The following NPM3 variants were observed in gnomAD, a reference collection of about 807,000 sequenced individuals.
NPM3 encodes nucleophosmin/nucleoplasmin 3.
Under a neutral mutation model 18.1 loss-of-function variants are expected in NPM3, and 12 were observed. That is an observed-to-expected ratio of 0.66 (90% confidence interval 0.42 to 1.07). NPM3 has a LOEUF of 1.07. NPM3 is among the 50% of genes least tolerant of loss of function. The probability of loss-of-function intolerance (pLI) is 0.00; values close to 1 mark genes in which losing one functional copy is unlikely to be tolerated. For missense variants in NPM3, 274 were observed against 232.1 expected (o/e 1.18, Z -1.17); for synonymous variants, 116 against 93.7 (o/e 1.24, Z -1.38).
intron 1 of NPM3, 76 bp from the exon 2 acceptor site, chr10:101,783,000 C>A: frequency 1.5e-6 from 2 of 1,360,470 alleles, no homozygotes; most frequent in South Asian, 2.4e-5. Context: ...AACCCGCCGT[C>A]ACGTGTAACC....
At position 101,782,857 on chromosome 10, in the gene NPM3, G is replaced by T. The variant is rs1253716577; in HGVS notation, c.186C>A (p.His62Gln). The T allele has an allele frequency of 1.9e-6, 3 of 1,614,032 alleles. No homozygotes were observed. In the African/African-American group the frequency reaches 4.0e-5, roughly 22 times the overall value. The change falls in exon 2 of 6, where the codon CAC becomes CAA. Residue 62 changes from histidine (H) to glutamine (Q), a missense_variant. His to Gln is a conservative substitution (Grantham distance 24). Transcript: ENST00000370110. ...CCCTCACCATGGTTAGTGCCAGCAC[G>T]TGCTCCGCATCATCCTCTTCCTCTA...
Position 101,783,277 on chromosome 10 carries a change from G to C in NPM3, c.114C>G (p.Phe38Leu), listed in dbSNP as rs773885926. ...AGCCTCTCCCTTCACTAATACCGAA[G>C]AAAAAACTGTCCATAGTGACCGGGG... Residue 38 changes from phenylalanine to leucine, a missense_variant, in exon 1 of 6, where the codon TTC (phenylalanine) becomes TTG (leucine). By Grantham distance (22) the Phe-to-Leu change is conservative. Transcript: ENST00000370110. 5 of 1,602,842 alleles carry C rather than the reference G, an allele frequency of 3.1e-6. No individual in the cohort carries two copies. The African/African-American group carries it at 5.4e-5, about 17-fold the overall frequency.
At chr10:101,783,161 A>G in intron 1 of NPM3, 112 bp downstream of exon 1, 1 of 920,996 alleles carries the variant, frequency 1.1e-6, no homozygotes, top group Admixed American at 2.3e-5. Context: ...CTGCGGGAAC[A>G]GCGAAGCAGC....
chr10:101,783,368 G>T (rs1208711733), exon 1 of NPM3: 17 of 1,611,632 alleles, frequency 1.1e-5, no homozygotes, highest in Non-Finnish European at 1.4e-5. Flanking sequence ...AAACGCTAAG[G>T]CAGCTGCAGT....
exon 6 of NPM3, chr10:101,781,614 C>A (rs1316677924): frequency 3.5e-6 from 3 of 854,000 alleles, no homozygotes; most frequent in Admixed American, 5.6e-5. Context: ...CATGGCGGTG[C>A]ATGGCACATG....
chr10:101,782,729 G>T (rs768636783), intron 2 of NPM3, 110 bp downstream of exon 2: 20 of 1,572,506 alleles, frequency 1.3e-5, no homozygotes, highest in Admixed American at 1.8e-5. Flanking sequence ...CCCATGCCGG[G>T]GGGTTAGGCT....
chr10:101,781,560 G>T (rs2065140956), exon 6 of NPM3: 1 of 358,790 alleles, frequency 2.8e-6, no homozygotes, highest in Admixed American at 3.6e-5. Flanking sequence ...CCTCTTCAAG[G>T]AAGAAATATT....
At chr10:101,783,128 C>T in intron 1 of NPM3, 145 bp downstream of exon 1, 1 of 815,332 alleles carries the variant, frequency 1.2e-6, no homozygotes, top group Non-Finnish European at 2.0e-6. Flanking sequence ...CCCCCTTTGG[C>T]TGTGCGTGCG....
At chr10:101,782,481 G>A (rs1292394137) in exon 3 of NPM3, 3 of 1,611,206 alleles carry the variant, frequency 1.9e-6, no homozygotes, top group African/African-American at 1.3e-5. Context: ...AACTCACCAT[G>A]GGTTGGCAGG....
chr10:101,781,551 C>T, exon 6 of NPM3: 2 of 353,560 alleles, frequency 5.7e-6, no homozygotes, highest in Non-Finnish European at 1.1e-5. Flanking sequence ...CCAAGCTCTC[C>T]TCTTCAAGGA....
At chr10:101,782,399 C>T (rs2065148506) in intron 3 of NPM3, 48 bp from the exon 4 acceptor site, 2 of 1,605,906 alleles carry the variant, frequency 1.2e-6, no homozygotes, top group South Asian at 2.2e-5. Flanking sequence ...TAGCCCACCC[C>T]ACACTGTAAT....
At position 101,782,500 on chromosome 10, in the gene NPM3, A is replaced by AG; in HGVS notation, c.301dup (p.Leu101ProfsTer13). ...CACCATGGGTTGGCAGGACAGCTTG[A>AG]GGTTGGCCACAGGGACTGCGATCTC... On this transcript the variant is annotated frameshift_variant, in exon 3 of 6. Transcript: ENST00000370110. LOFTEE classifies it high-confidence loss of function. The AG allele has an allele frequency of 6.2e-7, 1 of 1,613,108 alleles. No individual in the cohort carries two copies. Among genetic ancestry groups the AG allele is most frequent in the Non-Finnish European group, 8.5e-7 (1 of 1,179,530 alleles).
intron 1 of NPM3, 79 bp from the exon 2 acceptor site, chr10:101,783,003 G>A: frequency 1.5e-6 from 2 of 1,336,748 alleles, no homozygotes; most frequent in African/African-American, 1.4e-5. Flanking sequence ...CCGCCGTCAC[G>A]TGTAACCTTG....
rs932249516 is a variant in NPM3, at chr10:101,781,644, A to C, written c.*10-12T>G. The C allele has an allele frequency of 1.4e-6, 2 of 1,449,780 alleles. No homozygotes were observed. Among genetic ancestry groups the C allele is most frequent in the East Asian group, 2.3e-5 (1 of 43,416 alleles). The allele number at this position is 1,449,780 out of a possible 1,614,324, so 89.8% of individuals were successfully genotyped here. A position where few individuals can be genotyped will look rare whatever the true frequency, so the allele number is the denominator to read the frequency against. ...CACATGGAGCTGACCTGAAAAGAGG[A>C]AACAAGGAATCAGCATTTAGGCCCT... On this transcript the variant is annotated splice_polypyrimidine_tract_variant and intron_variant, in intron 5 of 5. Coordinates refer to ENST00000370110, the Ensembl canonical transcript of NPM3.
exon 6 of NPM3, chr10:101,781,339 A>C (rs1299194262): frequency 1.5e-5 from 3 of 200,886 alleles, no homozygotes; most frequent in African/African-American, 2.4e-5. Flanking sequence ...AAAACTCCAC[A>C]CCACTTTATT....
In NPM3 at chr10:101,782,652, A is replaced by G. The variant is rs75002076; in HGVS notation, c.205-55T>C. Reference sequence around the variant, plus strand: ...TCCTCAAGTGAGGGTTGACACCACAACTAAAGGCATCTACCCTAGCACCTG... The same window carrying G: ...TCCTCAAGTGAGGGTTGACACCACAGCTAAAGGCATCTACCCTAGCACCTG... On this transcript the variant is annotated intron_variant, in intron 2 of 5. Coordinates refer to ENST00000370110, the Ensembl canonical transcript of NPM3. 1.7e-3 allele frequency: 2,780 copies of G among 1,610,282 alleles called. 42 individuals are homozygous for G. The African/African-American group carries it at 0.031, about 18-fold the overall frequency.
intron 4 of NPM3, 116 bp from the exon 5 acceptor site, chr10:101,781,970 T>C (rs2065144617): frequency 1.3e-6 from 2 of 1,548,786 alleles, no homozygotes. Flanking sequence ...CTCCCAGTGC[T>C]TATGGGCTAG....
intron 1 of NPM3, 74 bp from the exon 2 acceptor site, chr10:101,782,998 G>A: frequency 7.2e-7 from 1 of 1,389,388 alleles, no homozygotes; most frequent in East Asian, 2.3e-5. Context: ...CCAACCCGCC[G>A]TCACGTGTAA....
At chr10:101,781,952 AC>A in intron 4 of NPM3, 98 bp from the exon 5 acceptor site, 1 of 1,600,288 alleles carries the variant, frequency 6.2e-7, no homozygotes, top group Non-Finnish European at 8.5e-7. Context: ...GCTTACAGGG[AC>A]CATGACCTCC....
Sources: gnomAD v4.1 joint callset for allele counts on GRCh38, gnomAD v4.1.1 for gene constraint, MANE v1.5 for transcripts, NCBI Gene and HGNC (gene_info 2026-07-23, HGNC 2026-07-21) for gene names.